TOM1L2: variants seen among roughly 807,000 people sequenced by gnomAD.
TOM1L2 encodes target of myb1 like 2 membrane trafficking protein, also known as TOM1-like protein 2.
TOM1L2 carries 31 observed loss-of-function variants against 67.9 expected under a neutral mutation model. The observed-to-expected ratio is 0.46, with a 90% CI of 0.34 to 0.62. The LOEUF (loss-of-function observed/expected upper bound fraction) is 0.62. Ranked by LOEUF, TOM1L2 falls within the 20% of genes least tolerant of loss-of-function variation. The pLI, the probability that TOM1L2 is intolerant of heterozygous loss-of-function variation, is 0.01. For missense variants in TOM1L2, 606 were observed against 663.5 expected, an observed-to-expected ratio of 0.91 and a Z score of 0.95; for synonymous variants, 256 against 254.0, an observed-to-expected ratio of 1.01 and a Z score of -0.07.
At chr17:17,943,179 T>A (rs2040807167) in intron 1 of TOM1L2, among the ~76,000 whole-genome samples, 1 of 152,148 alleles carries the variant, frequency 6.6e-6, no homozygotes, top group Admixed American at 6.5e-5. Context: ...AAATACTTCA[T>A]CTCCTGGAGA....
rs140518090 is a variant in TOM1L2 at position 17,931,033 on chromosome 17, G to A, written c.53-23502C>T. The stretch of plus-strand genomic sequence containing the variant: ...AACAGTTTCATATAAAATATAAAAT[G>A]TTCTTCCTGTAACTTAGCCTGGTAT... On this transcript the variant is annotated intron_variant, in intron 1 of 14. Transcript: ENST00000379504. Among the ~76,000 whole-genome samples, 359 of 152,110 alleles carry A rather than the reference G, an allele frequency of 2.4e-3. 4 individuals carry two copies. The highest frequency in any genetic ancestry group is 8.3e-3 in the African/African-American group (343 of 41,466).
At chr17:17,866,273 T>C (rs2036844309) in intron 10 of TOM1L2, 23 bp downstream of exon 10, 3 of 1,603,120 alleles carry the variant, frequency 1.9e-6, no homozygotes, top group South Asian at 2.2e-5. Flanking sequence ...AGGTAGGCCC[T>C]TTTGTCCCTG....
intron 1 of TOM1L2, among the ~76,000 whole-genome samples, chr17:17,968,522 CG>C (rs2041947728): frequency 6.6e-6 from 1 of 151,972 alleles, no homozygotes; most frequent in African/African-American, 2.4e-5. Context: ...AAAATTAGCC[CG>C]GCACGGTGCC....
chr17:17,889,675 G>A (rs2038176098), intron 4 of TOM1L2, among the ~76,000 whole-genome samples: 2 of 152,270 alleles, frequency 1.3e-5, no homozygotes, highest in South Asian at 4.1e-4. Context: ...TAACACATTC[G>A]ATCTACTTTT....
chr17:17,915,584 T>C (rs922713568), intron 1 of TOM1L2, among the ~76,000 whole-genome samples: 1 of 152,110 alleles, frequency 6.6e-6, no homozygotes, highest in Non-Finnish European at 1.5e-5. Context: ...CATAGCAGCA[T>C]AGCTCATTGC....
At chr17:17,861,401 C>G in intron 12 of TOM1L2, 75 bp downstream of exon 12, 1 of 1,448,094 alleles carries the variant, frequency 6.9e-7, no homozygotes, top group African/African-American at 1.4e-5. Flanking sequence ...TGCTGAATTA[C>G]CCAGCCAGCT....
At chr17:17,920,779 C>T (rs2039832268) in intron 1 of TOM1L2, among the ~76,000 whole-genome samples, 1 of 151,292 alleles carries the variant, frequency 6.6e-6, no homozygotes, top group Non-Finnish European at 1.5e-5. Context: ...GGATTACAGG[C>T]GCCCGCCACC....
intron 1 of TOM1L2, among the ~76,000 whole-genome samples, chr17:17,950,666 A>C (rs573839870): frequency 6.6e-6 from 1 of 152,268 alleles, no homozygotes; most frequent in South Asian, 2.1e-4. Flanking sequence ...CAATGTATTT[A>C]TTTATTTTAA....
At chr17:17,903,944 C>T (rs537413536) in intron 2 of TOM1L2, among the ~76,000 whole-genome samples, 2 of 152,006 alleles carry the variant, frequency 1.3e-5, no homozygotes, top group Non-Finnish European at 2.9e-5. Context: ...GGGTGGGGTG[C>T]CCTACTGTCA....
chr17:17,907,396 G>A (rs1482015971), intron 2 of TOM1L2, 51 bp downstream of exon 2: 2 of 1,559,070 alleles, frequency 1.3e-6, no homozygotes, highest in Middle Eastern at 1.7e-4. Flanking sequence ...CAAGCTTTGA[G>A]TGGCCCCTAA....
intron 13 of TOM1L2, among the ~76,000 whole-genome samples, chr17:17,849,448 C>G (rs890170551): frequency 1.3e-5 from 2 of 152,268 alleles, no homozygotes; most frequent in African/African-American, 4.8e-5. Flanking sequence ...TGTCCTGCAG[C>G]CTCCTGGGAG....
chr17:17,880,617 G>A (rs903497354), intron 6 of TOM1L2, among the ~76,000 whole-genome samples: 2 of 152,154 alleles, frequency 1.3e-5, no homozygotes, highest in African/African-American at 4.8e-5. Context: ...ACCAAATAAC[G>A]CTGGACAGAG....
At chr17:17,862,694 A>G (rs370581016) in intron 11 of TOM1L2, 37 bp downstream of exon 11, 128 of 1,549,784 alleles carry the variant, frequency 8.3e-5, no homozygotes, top group South Asian at 2.2e-4. Flanking sequence ...AATCCCCCCA[A>G]TATCTTTAGA....
chr17:17,851,507 TGAGTG>T (rs372249343), intron 12 of TOM1L2, among the ~76,000 whole-genome samples: 22 of 152,292 alleles, frequency 1.4e-4, no homozygotes, highest in African/African-American at 4.1e-4. Flanking sequence ...GGTGCATTTC[TGAGTG>T]GAGAGGGGAA....
At chr17:17,933,881 C>T (rs1387882605) in intron 1 of TOM1L2, among the ~76,000 whole-genome samples, 2 of 152,108 alleles carry the variant, frequency 1.3e-5, no homozygotes, top group East Asian at 3.8e-4. Flanking sequence ...ATCTGCCACC[C>T]TAGACAATAT....
intron 1 of TOM1L2, among the ~76,000 whole-genome samples, chr17:17,951,248 T>A (rs1235175270): frequency 6.6e-6 from 1 of 152,162 alleles, no homozygotes; most frequent in Non-Finnish European, 1.5e-5. Flanking sequence ...AGCCCTTTCC[T>A]AACTCTGGCA....
At chr17:17,958,466 C>T (rs2041556023) in intron 1 of TOM1L2, among the ~76,000 whole-genome samples, 1 of 152,210 alleles carries the variant, frequency 6.6e-6, no homozygotes, top group African/African-American at 2.4e-5. Context: ...AGGAGACTAA[C>T]TTTCAAACAA....
intron 1 of TOM1L2, among the ~76,000 whole-genome samples, chr17:17,964,310 C>T (rs777385731): frequency 1.3e-5 from 2 of 152,194 alleles, no homozygotes; most frequent in Admixed American, 6.5e-5. Context: ...AGAGCAACAA[C>T]CCCTAACTGA....
At chr17:17,906,104 C>A (rs2039085623) in intron 2 of TOM1L2, among the ~76,000 whole-genome samples, 1 of 150,328 alleles carries the variant, frequency 6.7e-6, no homozygotes, top group Non-Finnish European at 1.5e-5. Flanking sequence ...CTAAATGAGA[C>A]TTTTCTGTTG....
Sources: gnomAD v4.1 joint callset for allele counts (sites outside exome capture counted in the v4.1 genomes callset) on GRCh38, gnomAD v4.1.1 for gene constraint, MANE v1.5 for transcripts, NCBI Gene and HGNC (gene_info 2026-07-23, HGNC 2026-07-21) for gene names.